SRD5A3: variants seen among roughly 807,000 people sequenced by gnomAD.
SRD5A3 encodes the protein polyprenal reductase.
In SRD5A3, 24 loss-of-function variants were observed where a neutral mutation model predicts 34.3. The ratio of observed to expected loss-of-function variants is 0.70; its 90% CI spans 0.51 to 0.99. SRD5A3 has a LOEUF of 0.99. Ranked by LOEUF, SRD5A3 falls within the 50% of genes least tolerant of loss-of-function variation. The pLI is 0.00. For missense variants in SRD5A3, 350 were observed against 388.2 expected (o/e 0.90, Z 0.83); for synonymous variants, 161 against 167.3 (o/e 0.96, Z 0.29).
At chr4:55,354,889 G>A (rs1344114486) in intron 1 of SRD5A3, among the ~76,000 whole-genome samples, 3 of 152,174 alleles carry the variant, frequency 2.0e-5, no homozygotes, top group Non-Finnish European at 4.4e-5. Context: ...GTTTGCTGTT[G>A]TATCCCCAGA....
intron 4 of SRD5A3, among the ~76,000 whole-genome samples, chr4:55,368,376 C>CA (rs1385534546): frequency 1.1e-3 from 154 of 135,518 alleles, no homozygotes; most frequent in African/African-American, 2.7e-3. Flanking sequence ...TAGACTGTCT[C>CA]AAAAAAAAAA....
rs3034886 is a variant in SRD5A3, at chr4:55,370,431, T to TCACA, written c.*379_*382dup. The TCACA allele has an allele frequency of 0.053, 11,861 of 225,536 alleles. 403 individuals carry two copies. The highest frequency in any genetic ancestry group is 0.11 in the African/African-American group (4,317 of 40,482). The allele number at this position is 225,536 out of a possible 1,614,324, so 14.0% of individuals were successfully genotyped here. A position where few individuals can be genotyped will look rare whatever the true frequency, so the allele number is the denominator to read the frequency against. ...AAAAACCGAAAATATACAAACAGCTTCACACACACACACACACACACACAC... is the reference window on the plus strand; with the variant it reads ...AAAAACCGAAAATATACAAACAGCTTCACACACACACACACACACACACACACAC... On this transcript the variant is annotated 3_prime_UTR_variant, in exon 5 of 5. Transcript: ENST00000264228.
At chr4:55,348,024 A>G (rs1719059905) in intron 1 of SRD5A3, among the ~76,000 whole-genome samples, 1 of 152,202 alleles carries the variant, frequency 6.6e-6, no homozygotes, top group Non-Finnish European at 1.5e-5. Context: ...GGCACATGTA[A>G]AATCATCCCC....
In SRD5A3 at chr4:55,346,243, G is replaced by T. The variant is rs1354942813; in HGVS notation, c.-94G>T. 5.1e-6 allele frequency: 6 copies of T among 1,179,838 alleles called. No homozygotes were observed. Among genetic ancestry groups the T allele is most frequent in the African/African-American group, 1.6e-5 (1 of 61,548 alleles). The allele number at this position is 1,179,838 out of a possible 1,614,324, so 73.1% of individuals were successfully genotyped here. The stretch of plus-strand genomic sequence containing the variant: ...GCGCCGCGTCACCGACGTCCCGCTA[G>T]GCTGAGACCGGTGCGCCGCGCGCTA... On this transcript the variant is annotated 5_prime_UTR_variant, in exon 1 of 5. In the 5' UTR this introduces an upstream ATG that the reference lacks. Transcript: ENST00000264228.
chr4:55,367,398 GGGAAATTACATCA>G (rs1388707090), intron 3 of SRD5A3, among the ~76,000 whole-genome samples, 177 bp from the exon 4 acceptor site: 3 of 151,972 alleles, frequency 2.0e-5, no homozygotes, highest in East Asian at 1.9e-4. Context: ...CCTCTGTATT[GGGAAATTACATCA>G]GGAAATTACA....
intron 1 of SRD5A3, among the ~76,000 whole-genome samples, chr4:55,348,980 G>A (rs953234361): frequency 3.3e-5 from 5 of 152,178 alleles, no homozygotes; most frequent in Admixed American, 2.0e-4. Context: ...ATTTGGTAAC[G>A]TTAACCTTGA....
Position 55,367,727 on chromosome 4 carries a change from G to A in SRD5A3, c.697+5G>A, listed in dbSNP as rs761491980. 3 of 1,614,036 alleles carry A rather than the reference G, an allele frequency of 1.9e-6. No individual in the cohort carries two copies. Among genetic ancestry groups the A allele is most frequent in the South Asian group, 2.2e-5 (2 of 91,072 alleles). On this transcript the variant is annotated splice_donor_5th_base_variant and intron_variant, in intron 4 of 4. Transcript: ENST00000264228. ...ATCTCAGGAAAAATAAAGCAGGTGA[G>A]ACCTCTTTTAGAGCCTCTGCATATG...
In SRD5A3 at chr4:55,370,181, A is replaced by G; in HGVS notation, c.*90A>G. 1 of 1,554,290 alleles carries G rather than the reference A, an allele frequency of 6.4e-7. No individual in the cohort carries two copies. On this transcript the variant is annotated 3_prime_UTR_variant, in exon 5 of 5. Coordinates refer to ENST00000264228, the MANE Select transcript of SRD5A3 (RefSeq NM_024592.5). ...TGGAGCCCAAAGTACAGTTTCAGCAAAGCTGTTTGAAACTCTCCATTCCAT... is the reference window on the plus strand; with the variant it reads ...TGGAGCCCAAAGTACAGTTTCAGCAGAGCTGTTTGAAACTCTCCATTCCAT...
chr4:55,362,934 C>T (rs540713613), intron 2 of SRD5A3, among the ~76,000 whole-genome samples: 2 of 151,268 alleles, frequency 1.3e-5, no homozygotes, highest in Admixed American at 1.3e-4. Flanking sequence ...CAACCTCCAC[C>T]TCCCAGGTTC....
rs1234198965 is a variant in SRD5A3 at position 55,369,940 on chromosome 4, C to T, written c.806C>T (p.Thr269Ile). 1 of 1,614,162 alleles carries T rather than the reference C, an allele frequency of 6.2e-7. No homozygotes were observed. Among genetic ancestry groups the T allele is most frequent in the Non-Finnish European group, 8.5e-7 (1 of 1,180,034 alleles). The change falls in exon 5 of 5, where the codon ACC becomes ATC. Residue 269 changes from threonine to isoleucine, a missense_variant. Physicochemically the swap from Thr to Ile is moderately conservative, Grantham distance 89 (BLOSUM62 -1). Coordinates refer to ENST00000264228, the MANE Select transcript of SRD5A3 (RefSeq NM_024592.5). Reference sequence around the variant, plus strand: ...ATGATCTACGTTTCCATGGCCGTCACCTTTGGGTTCCACAACTTAACTTGG... The same window carrying T: ...ATGATCTACGTTTCCATGGCCGTCATCTTTGGGTTCCACAACTTAACTTGG... ...ELMIYVSMAVTFGFHNLTWWL... is the reference protein window; with the variant it reads ...ELMIYVSMAVIFGFHNLTWWL...
At position 55,346,478 on chromosome 4, in the gene SRD5A3, G is replaced by A. The variant is rs1268535766; in HGVS notation, c.142G>A (p.Asp48Asn). ...GCTCCCGGGCTGCGCGATCTTCCAG[G>A]ACCTGATCCGCTATGGGAAAACCAA... ...GLLPGCAIFQ[D>N]LIRYGKTKCG... The change falls in exon 1 of 5, where the codon GAC becomes AAC. Residue 48 changes from aspartate (D) to asparagine (N), a missense_variant. Asp to Asn is a conservative substitution (Grantham distance 23, BLOSUM62 1). Coordinates refer to ENST00000264228, the MANE Select transcript of SRD5A3 (RefSeq NM_024592.5). 36 of 1,606,186 alleles carry A rather than the reference G, an allele frequency of 2.2e-5. No homozygotes were observed. Among genetic ancestry groups the A allele is most frequent in the Non-Finnish European group, 2.9e-5 (34 of 1,177,022 alleles).
chr4:55,359,065 G>A (rs539791561), intron 1 of SRD5A3: 2 of 413,006 alleles, frequency 4.8e-6, no homozygotes, highest in East Asian at 1.1e-4. Flanking sequence ...CCAGCAATCA[G>A]AGAGATTGCT....
chr4:55,370,105 A>G lies in SRD5A3; in HGVS notation c.*14A>G, dbSNP rs756186617. On this transcript the variant is annotated 3_prime_UTR_variant, in exon 5 of 5. Coordinates refer to ENST00000264228, the MANE Select transcript of SRD5A3 (RefSeq NM_024592.5). ...TTTTTGTTTTAAGTTAACCTCAGTC[A>G]TGAAGAATGCAAACCAGGTGATGGT... The G allele has an allele frequency of 3.1e-6, 5 of 1,612,372 alleles. No homozygotes were observed. In the East Asian group the frequency reaches 8.9e-5, roughly 29 times the overall value.
At chr4:55,360,468 T>C (rs972283743) in intron 2 of SRD5A3, among the ~76,000 whole-genome samples, 32 of 151,804 alleles carry the variant, frequency 2.1e-4, no homozygotes, top group African/African-American at 7.0e-4. Flanking sequence ...ATTGAGCTAC[T>C]GCACTCCACG....
chr4:55,372,620 A>G lies in SRD5A3; in HGVS notation c.*2529A>G, dbSNP rs1304864906. ...GAAAATATTCCATGTGCGTAAAGGG[A>G]GAGCATCAGGGACTTTGCAAATTCT... On this transcript the variant is annotated 3_prime_UTR_variant, in exon 5 of 5. Transcript: ENST00000264228. 6.6e-6 allele frequency: 1 copy of G among 152,190 alleles called. No homozygotes were observed. The highest frequency in any genetic ancestry group is 1.5e-5 in the Non-Finnish European group (1 of 68,050). The allele number at this position is 152,190 out of a possible 1,614,324, so 9.4% of individuals were successfully genotyped here. A position where few individuals can be genotyped will look rare whatever the true frequency, so the allele number is the denominator to read the frequency against.
At chr4:55,367,486 C>A in intron 3 of SRD5A3, 102 bp from the exon 4 acceptor site, 1 of 1,369,026 alleles carries the variant, frequency 7.3e-7, no homozygotes, top group Non-Finnish European at 1.0e-6. Flanking sequence ...TATTGAGGAA[C>A]GGAATAAGTG....
Position 55,371,035 on chromosome 4 carries a change from T to C in SRD5A3, c.*944T>C, listed in dbSNP as rs576723510. The C allele has an allele frequency of 6.6e-6, 1 of 152,322 alleles. No individual in the cohort carries two copies. Among genetic ancestry groups the C allele is most frequent in the East Asian group, 1.9e-4 (1 of 5,184 alleles). The allele number at this position is 152,322 out of a possible 1,614,324, so 9.4% of individuals were successfully genotyped here. A position where few individuals can be genotyped will look rare whatever the true frequency, so the allele number is the denominator to read the frequency against. On this transcript the variant is annotated 3_prime_UTR_variant, in exon 5 of 5. Transcript: ENST00000264228. ...TTCCATTCATCTCCCCCTCAAATCA[T>C]AGCCTAACAGAACACTTTGAAAGCT...
intron 4 of SRD5A3, among the ~76,000 whole-genome samples, chr4:55,368,863 C>G (rs1301248617): frequency 1.3e-5 from 2 of 152,056 alleles, no homozygotes; most frequent in African/African-American, 4.8e-5. Context: ...CTCAGCCTCC[C>G]AAGTAGTTGG....
At chr4:55,366,695 GC>G (rs1322793465) in intron 3 of SRD5A3, 1 of 152,208 alleles carries the variant, frequency 6.6e-6, no homozygotes, top group Non-Finnish European at 1.5e-5. Context: ...ACTTGAATCA[GC>G]TTTTTAGGGT....
Sources: allele counts gnomAD v4.1 joint callset (sites outside exome capture counted in the v4.1 genomes callset), GRCh38; gene constraint gnomAD v4.1.1; transcripts MANE v1.5; gene names NCBI Gene and HGNC (gene_info 2026-07-23, HGNC 2026-07-21).